Variants in DMD observed in about 807,000 individuals in gnomAD.
DMD encodes the protein mutant dystrophin.
In DMD, 63 loss-of-function variants were observed where a neutral mutation model predicts 330.1. The ratio of observed to expected loss-of-function variants is 0.19; its 90% CI spans 0.16 to 0.24. The LOEUF is 0.24. Among genes scored for constraint, DMD ranks in the 10% least tolerant of loss-of-function variants. DMD has a pLI of 1.00. For missense variants in DMD, 3,344 were observed against 2,684.1 expected, an observed-to-expected ratio of 1.25 and a Z score of -5.43; for synonymous variants, 1,223 against 959.8, an observed-to-expected ratio of 1.27 and a Z score of -5.07.
chrX:33,075,774 G>A (rs1467311468), intron 1 of DMD, among the ~76,000 whole-genome samples: 2 of 111,559 alleles, frequency 1.8e-5, no homozygotes, highest in East Asian at 2.8e-4. Flanking sequence ...CTAAGCCCCA[G>A]GCTGTCCTTG....
chrX:31,919,053 CTTTA>C (rs1267313131), intron 47 of DMD, among the ~76,000 whole-genome samples: 1 of 111,620 alleles, frequency 9.0e-6, no homozygotes, highest in African/African-American at 3.3e-5. Flanking sequence ...GTGTGTTGGC[CTTTA>C]TTTGTTCTCA....
chrX:31,331,422 C>T (rs764622098), intron 61 of DMD, among the ~76,000 whole-genome samples: 4 of 106,820 alleles, frequency 3.7e-5, no homozygotes, highest in African/African-American at 1.4e-4. Flanking sequence ...CAAAGTTGGG[C>T]GGCATTACTC....
intron 44 of DMD, among the ~76,000 whole-genome samples, chrX:32,013,376 T>A (rs1043045457): frequency 9.0e-6 from 1 of 111,372 alleles, no homozygotes; most frequent in Non-Finnish European, 1.9e-5. Context: ...TGAGCCACCG[T>A]GCCCAGCCAA....
chrX:32,672,995 G>A (rs917364173), intron 9 of DMD, among the ~76,000 whole-genome samples: 21 of 111,445 alleles, frequency 1.9e-4, no homozygotes, highest in African/African-American at 6.2e-4. Context: ...AAGAAAAGAT[G>A]TCACATGTTA....
At chrX:32,274,986 T>TG (rs1428820152) in intron 43 of DMD, among the ~76,000 whole-genome samples, 1 of 111,723 alleles carries the variant, frequency 9.0e-6, no homozygotes, top group African/African-American at 3.2e-5. Context: ...CAATTCATTT[T>TG]GGGTTGCTGG....
At position 32,699,708 on chromosome X, in the gene DMD, C is replaced by T. The variant is rs147010476; in HGVS notation, c.650-415G>A. 3.2e-3 allele frequency among the ~76,000 whole-genome samples: 353 copies of T among 111,387 alleles called. 4 individuals carry two copies. The highest frequency in any genetic ancestry group is 0.011 in the African/African-American group (327 of 30,736). On this transcript the variant is annotated intron_variant, in intron 7 of 78. Coordinates refer to ENST00000357033, the MANE Select transcript of DMD (RefSeq NM_004006.3). ...TAAACAAATACACAAAATGGTTTAC[C>T]GCTTTGGTTCTCAGTAAAGAAACCT... is the stretch of plus-strand genomic sequence containing the variant.
intron 12 of DMD, among the ~76,000 whole-genome samples, chrX:32,598,411 A>G (rs2055818112): frequency 9.0e-6 from 1 of 111,527 alleles, no homozygotes. Context: ...TGAAGGTGTC[A>G]GCCGGGAATG....
chrX:32,873,048 A>G (rs1378359195), intron 2 of DMD, among the ~76,000 whole-genome samples: 4 of 111,558 alleles, frequency 3.6e-5, no homozygotes, highest in African/African-American at 1.3e-4. Context: ...TTGCTTTATC[A>G]ATTGTTAGTC....
intron 42 of DMD, among the ~76,000 whole-genome samples, chrX:32,301,186 T>G (rs769130469): frequency 1.3e-3 from 134 of 99,434 alleles, no homozygotes; most frequent in African/African-American, 4.6e-3. Context: ...AAAATCGCTC[T>G]TTCATACAAT....
intron 7 of DMD, among the ~76,000 whole-genome samples, chrX:32,706,215 G>C (rs928204080): frequency 5.3e-5 from 4 of 75,156 alleles, no homozygotes; most frequent in Non-Finnish European, 1.0e-4. Flanking sequence ...ATCACACACC[G>C]GGGCCTGTTG....
chrX:31,883,748 G>C (rs1424727720), intron 47 of DMD, among the ~76,000 whole-genome samples: 1 of 110,997 alleles, frequency 9.0e-6, no homozygotes, highest in Non-Finnish European at 1.9e-5. Context: ...AAATATTAAT[G>C]ACATATTAAA....
chrX:32,280,027 T>C (rs889105119), intron 43 of DMD, among the ~76,000 whole-genome samples: 40 of 102,738 alleles, frequency 3.9e-4, no homozygotes, highest in African/African-American at 1.2e-3. Flanking sequence ...GTACCCCACA[T>C]ATATATATAC....
At chrX:33,064,341 A>G (rs1603196410) in intron 1 of DMD, among the ~76,000 whole-genome samples, 1 of 111,658 alleles carries the variant, frequency 9.0e-6, no homozygotes, top group Middle Eastern at 4.7e-3. Flanking sequence ...AAAAGGAAAA[A>G]AAAACACAGG....
chrX:32,633,483 C>T (rs984705189), intron 11 of DMD, among the ~76,000 whole-genome samples: 6 of 111,947 alleles, frequency 5.4e-5, no homozygotes, highest in Admixed American at 9.5e-5. Flanking sequence ...CCTCATCTGT[C>T]TTCTTCTGAG....
chrX:31,514,308 C>A (rs1603295382), intron 55 of DMD, among the ~76,000 whole-genome samples: 1 of 111,420 alleles, frequency 9.0e-6, no homozygotes, highest in Non-Finnish European at 1.9e-5. Flanking sequence ...GCTGAGAGTA[C>A]CAAAAAAGTT....
intron 1 of DMD, among the ~76,000 whole-genome samples, chrX:33,147,068 C>A (rs889189116): frequency 1.8e-5 from 2 of 110,746 alleles, no homozygotes; most frequent in African/African-American, 6.6e-5. Flanking sequence ...GTGATCCACC[C>A]GCCTCAGCCT....
chrX:32,890,774 G>A (rs927547141), intron 2 of DMD, among the ~76,000 whole-genome samples: 1 of 111,670 alleles, frequency 9.0e-6, no homozygotes, highest in Admixed American at 9.5e-5. Flanking sequence ...TTTGAAATGG[G>A]ACTAGCATAA....
At chrX:32,292,299 A>ATTATTTTTTTTTTTTTTTT (rs1355530949) in intron 42 of DMD, among the ~76,000 whole-genome samples, 1 of 30,852 alleles carries the variant, frequency 3.2e-5, no homozygotes, top group African/African-American at 1.9e-4. Context: ...CAAAGGGAAT[A>ATTATTTTTTTTTTTTTTTT]TTCTTTTTTT....
intron 2 of DMD, among the ~76,000 whole-genome samples, chrX:32,868,431 C>T (rs902823139): frequency 8.1e-5 from 9 of 111,567 alleles, no homozygotes; most frequent in African/African-American, 2.9e-4. Flanking sequence ...GAACTGCCAC[C>T]TAAGAGAACT....
Sources: gnomAD v4.1 joint callset for allele counts (sites outside exome capture counted in the v4.1 genomes callset) on GRCh38, gnomAD v4.1.1 for gene constraint, MANE v1.5 for transcripts, NCBI Gene and HGNC (gene_info 2026-07-23, HGNC 2026-07-21) for gene names.